The following PPARGC1A variants were observed in gnomAD, a reference collection of about 807,000 sequenced individuals.
PPARGC1A encodes the protein PPARG coactivator 1 alpha, also known as peroxisome proliferator-activated receptor gamma coactivator 1-alpha.
PPARGC1A carries 25 observed loss-of-function variants against 88.7 expected under a neutral mutation model. The observed-to-expected ratio is 0.28, with a 90% confidence interval of 0.21 to 0.39. PPARGC1A has a LOEUF of 0.39. Ranked by LOEUF, PPARGC1A falls within the 10% of genes least tolerant of loss-of-function variation. PPARGC1A has a pLI of 1.00. For synonymous variants in PPARGC1A, 363 were observed against 355.6 expected (o/e 1.02, Z -0.24); for missense variants, 880 against 968.7 (o/e 0.91, Z 1.22).
chr4:23,844,850 ATT>A (rs1727994090), intron 2 of PPARGC1A, among the ~76,000 whole-genome samples: 1 of 122,680 alleles, frequency 8.2e-6, no homozygotes, highest in African/African-American at 3.0e-5. Flanking sequence ...GATATATATT[ATT>A]ATAATATATG....
chr4:24,178,251 T>C, the PPARGC1A span, among the ~76,000 whole-genome samples: 2 of 152,306 alleles, frequency 1.3e-5, no homozygotes, highest in South Asian at 4.2e-4. Context: ...CAGAACCTAA[T>C]GAAGGAAACA....
chr4:24,072,280 A>G, the PPARGC1A span, among the ~76,000 whole-genome samples: 1 of 151,474 alleles, frequency 6.6e-6, no homozygotes, highest in African/African-American at 2.4e-5. Context: ...ATTTAATTAA[A>G]GCTAGAAGAA....
intron 10 of PPARGC1A, among the ~76,000 whole-genome samples, chr4:23,812,195 G>C (rs1018102906): frequency 6.6e-6 from 1 of 151,810 alleles, no homozygotes; most frequent in Non-Finnish European, 1.5e-5. Context: ...CACATGCCTT[G>C]GCCTCCCAAA....
the PPARGC1A span, among the ~76,000 whole-genome samples, chr4:24,301,550 G>A: frequency 6.9e-6 from 1 of 144,854 alleles, no homozygotes; most frequent in African/African-American, 2.6e-5. Context: ...AAGGCCATCA[G>A]AATATTCTTT....
the PPARGC1A span, among the ~76,000 whole-genome samples, chr4:24,311,086 CTTTTTTTTTTTTTT>C: frequency 1.2e-4 from 7 of 59,922 alleles, no homozygotes; most frequent in Non-Finnish European, 8.2e-5. Context: ...TATAATAATT[CTTTTTTTTTTTTTT>C]TTTTTTTTTT....
At chr4:23,956,379 T>C in the PPARGC1A span, among the ~76,000 whole-genome samples, 2 of 152,140 alleles carry the variant, frequency 1.3e-5, no homozygotes, top group Admixed American at 6.6e-5. Flanking sequence ...ACGATCTCAG[T>C]AGCAAAGCTC....
chr4:23,943,538 T>C, the PPARGC1A span, among the ~76,000 whole-genome samples: 8 of 152,298 alleles, frequency 5.3e-5, no homozygotes, highest in East Asian at 1.5e-3. Flanking sequence ...AACTGCAAGA[T>C]CTATCAATAG....
the PPARGC1A span, among the ~76,000 whole-genome samples, chr4:24,376,642 G>T: frequency 6.6e-6 from 1 of 152,110 alleles, no homozygotes; most frequent in Non-Finnish European, 1.5e-5. Flanking sequence ...TTTGACTAAA[G>T]GTCAATGTTC....
At chr4:24,097,069 G>A in the PPARGC1A span, among the ~76,000 whole-genome samples, 1 of 152,144 alleles carries the variant, frequency 6.6e-6, no homozygotes. Context: ...GCTCCAGCCT[G>A]GGCGACAGAG....
chr4:23,969,318 TC>T, the PPARGC1A span, among the ~76,000 whole-genome samples: 114 of 152,272 alleles, frequency 7.5e-4, no homozygotes, highest in Middle Eastern at 3.4e-3. Context: ...GTCACAATTA[TC>T]CCATGAGGCC....
the PPARGC1A span, among the ~76,000 whole-genome samples, chr4:23,932,492 A>G: frequency 6.6e-6 from 1 of 152,226 alleles, no homozygotes; most frequent in Non-Finnish European, 1.5e-5. Context: ...AGGCATTACC[A>G]AAATTAAATA....
chr4:24,013,767 C>T, the PPARGC1A span, among the ~76,000 whole-genome samples: 1 of 152,166 alleles, frequency 6.6e-6, no homozygotes, highest in Admixed American at 6.5e-5. Context: ...ATGTCCCATG[C>T]CTGGACGTTT....
chr4:24,466,386 T>G, the PPARGC1A span, among the ~76,000 whole-genome samples: 2 of 152,156 alleles, frequency 1.3e-5, no homozygotes, highest in Non-Finnish European at 2.9e-5. Context: ...TAGCAGAAAG[T>G]GAGTACAGTG....
chr4:23,885,857 T>C (rs1265473850), intron 1 of PPARGC1A, among the ~76,000 whole-genome samples: 2 of 152,214 alleles, frequency 1.3e-5, no homozygotes, highest in Admixed American at 1.3e-4. Context: ...GTTTAAAATA[T>C]CTCTACCATG....
At chr4:24,447,502 GGAAGGTCA>G in the PPARGC1A span, among the ~76,000 whole-genome samples, 2 of 152,168 alleles carry the variant, frequency 1.3e-5, no homozygotes, top group African/African-American at 4.8e-5. Context: ...GGGGCTCCTA[GGAAGGTCA>G]GCAGTCTCGA....
chr4:24,135,766 G>T, the PPARGC1A span, among the ~76,000 whole-genome samples: 4 of 152,154 alleles, frequency 2.6e-5, no homozygotes, highest in Non-Finnish European at 5.9e-5. Flanking sequence ...AATTTATTTT[G>T]CCTTTCAAGG....
chr4:23,883,138 T>C (rs888291011), intron 2 of PPARGC1A: 3 of 152,210 alleles, frequency 2.0e-5, no homozygotes, highest in Non-Finnish European at 2.9e-5. Context: ...GGCCAAGTCC[T>C]CACATGAACT....
the PPARGC1A span, among the ~76,000 whole-genome samples, chr4:24,436,708 C>T: frequency 7.0e-6 from 1 of 141,920 alleles, no homozygotes; most frequent in Admixed American, 7.0e-5. Flanking sequence ...GCCCGGGTCA[C>T]AGAGCTGACA....
chr4:24,249,925 T>C, the PPARGC1A span, among the ~76,000 whole-genome samples: 1 of 152,156 alleles, frequency 6.6e-6, no homozygotes. Context: ...ATAATCTACA[T>C]AGAGAAGTAT....
Sources: gnomAD v4.1 joint callset for allele counts (sites outside exome capture counted in the v4.1 genomes callset) on GRCh38, gnomAD v4.1.1 for gene constraint, MANE v1.5 for transcripts, NCBI Gene and HGNC (gene_info 2026-07-23, HGNC 2026-07-21) for gene names.